ASMTL: variants seen among roughly 807,000 people sequenced by gnomAD.
The protein encoded by ASMTL is acetylserotonin O-methyltransferase like.
ASMTL carries 57 observed loss-of-function variants against 60.3 expected under a neutral mutation model. That is an observed-to-expected ratio of 0.95 (90% CI 0.76 to 1.18). The LOEUF (loss-of-function observed/expected upper bound fraction) is 1.18, where lower values mean the gene tolerates loss of function less well. Among genes scored for constraint, ASMTL ranks in the 50% most tolerant of loss-of-function variants. The pLI is 0.00. For synonymous variants in ASMTL, 419 were observed against 373.0 expected (o/e 1.12, Z -1.42); for missense variants, 981 against 852.6 (o/e 1.15, Z -1.88).
rs767900547 is a variant in ASMTL, at chrX:1,441,346, G to C, written c.225+840C>G. Among the ~76,000 whole-genome samples, 6 of 151,986 alleles carry C rather than the reference G, an allele frequency of 3.9e-5. No individual in the cohort carries two copies. In the East Asian group the frequency reaches 1.2e-3, roughly 29 times the overall value. ...AGTTGGAGTGCAGTGGGATGATCTC[G>C]GCTCACTGCAACTTCCGTCTCCCAG... is the stretch of plus-strand genomic sequence containing the variant. On this transcript the variant is annotated intron_variant, in intron 2 of 12. Coordinates refer to ENST00000381317, the MANE Select transcript of ASMTL (RefSeq NM_004192.4).
At chrX:1,431,967 G>T (rs1487053505) in intron 6 of ASMTL, 3 of 451,214 alleles carry the variant, frequency 6.6e-6, no homozygotes, top group African/African-American at 3.9e-5. Flanking sequence ...GACCTCTGGG[G>T]TCTCCTCCTC....
chrX:1,452,653 C>G, intron 1 of ASMTL, 95 bp downstream of exon 1: 1 of 1,041,962 alleles, frequency 9.6e-7, no homozygotes, highest in South Asian at 1.5e-5. Flanking sequence ...GGGTCACTCT[C>G]CCATCCCTAT....
intron 10 of ASMTL, among the ~76,000 whole-genome samples, chrX:1,418,603 G>A (rs1423881730): frequency 6.6e-6 from 1 of 152,040 alleles, no homozygotes; most frequent in Admixed American, 6.6e-5. Context: ...TGTGAGAATC[G>A]TCCCAGGCCC....
At chrX:1,453,243 G>GGCCAC (rs2149358790), upstream of ASMTL, among the ~76,000 whole-genome samples, 1 of 150,158 alleles carries the variant, frequency 6.7e-6, no homozygotes, top group Admixed American at 6.6e-5. Context: ...CGCTCCGCCA[G>GGCCAC]GCCACGCCCA....
At chrX:1,418,774 G>C (rs1244588368) in intron 10 of ASMTL, among the ~76,000 whole-genome samples, 6 of 152,222 alleles carry the variant, frequency 3.9e-5, no homozygotes, top group African/African-American at 1.4e-4. Flanking sequence ...AGAGGGCCCC[G>C]GAGTTTCTAG....
intron 12 of ASMTL, among the ~76,000 whole-genome samples, chrX:1,404,397 G>A (rs751450629): frequency 6.7e-4 from 101 of 150,132 alleles, no homozygotes; most frequent in African/African-American, 2.3e-3. Flanking sequence ...GGGTAGGTAG[G>A]TGGATGGATG....
At chrX:1,431,553 C>G (rs1284210396) in intron 6 of ASMTL, among the ~76,000 whole-genome samples, 1 of 142,304 alleles carries the variant, frequency 7.0e-6, no homozygotes, top group African/African-American at 2.6e-5. Flanking sequence ...AATATATAAT[C>G]TATATTATAA....
intron 11 of ASMTL, among the ~76,000 whole-genome samples, chrX:1,417,104 C>G (rs1341200730): frequency 6.6e-6 from 1 of 151,788 alleles, no homozygotes; most frequent in Admixed American, 6.6e-5. Flanking sequence ...GACACACAGA[C>G]AAGCACACCC....
Position 1,439,126 on chromosome X carries a change from C to G in ASMTL, c.244G>C (p.Asp82His), listed in dbSNP as rs749599167. The G allele has an allele frequency of 6.2e-6, 10 of 1,613,896 alleles. No homozygotes were observed. Among genetic ancestry groups the G allele is most frequent in the Non-Finnish European group, 8.5e-6 (10 of 1,179,870 alleles). Residue 82 changes from aspartate to histidine, a missense_variant, in exon 3 of 13, where the codon GAC becomes CAC. Asp to His is a moderately conservative substitution (Grantham distance 81, BLOSUM62 -1). Coordinates refer to ENST00000381317, the MANE Select transcript of ASMTL (RefSeq NM_004192.4). ...ATCGTGTCCGCTCCAATGACCACGTCGGGGGCCCGCAGGTCTTTCTGTAAG... is the reference window on the plus strand; with the variant it reads ...ATCGTGTCCGCTCCAATGACCACGTGGGGGGCCCGCAGGTCTTTCTGTAAG... ...RLYQKDLRAP[D>H]VVIGADTIVT... is the part of the protein sequence containing the mutation.
At chrX:1,435,590 G>C (rs868866160) in intron 4 of ASMTL, 104 bp downstream of exon 4, 2 of 1,084,000 alleles carry the variant, frequency 1.8e-6, no homozygotes, top group South Asian at 1.3e-5. Flanking sequence ...TCAGACGGCA[G>C]AGCTGACAGA....
In ASMTL at chrX:1,436,513, C is replaced by T. The variant is rs866521976; in HGVS notation, c.274-755G>A. ...GACTACAGGCGCCCGCCACCACACCCGGCTAATTTTTTGTATTTTTAGTAG... is the reference window on the plus strand; with the variant it reads ...GACTACAGGCGCCCGCCACCACACCTGGCTAATTTTTTGTATTTTTAGTAG... On this transcript the variant is annotated intron_variant, in intron 3 of 12. Transcript: ENST00000381317. Among the ~76,000 whole-genome samples, 15 of 148,526 alleles carry T rather than the reference C, an allele frequency of 1.0e-4. No individual in the cohort carries two copies. In the South Asian group the frequency reaches 2.3e-3, roughly 23 times the overall value.
chrX:1,440,301 A>G (rs1200684308), intron 2 of ASMTL, among the ~76,000 whole-genome samples: 2 of 152,006 alleles, frequency 1.3e-5, no homozygotes, highest in Non-Finnish European at 2.9e-5. Flanking sequence ...CGTGTGAGCC[A>G]GGATGGTCTT....
chrX:1,448,890 C>G (rs5989742), intron 1 of ASMTL, among the ~76,000 whole-genome samples: 4,318 of 152,274 alleles, frequency 0.028, 197 homozygotes, highest in African/African-American at 0.098. Context: ...CCATCTTGGA[C>G]AAGCATTGCC....
chrX:1,411,544 T>C (rs1195327823), intron 12 of ASMTL, among the ~76,000 whole-genome samples: 2 of 151,436 alleles, frequency 1.3e-5, no homozygotes, highest in African/African-American at 2.4e-5. Context: ...AGAAACCTGA[T>C]GTGAAGGCTT....
At chrX:1,445,524 A>C (rs1263772271) in intron 1 of ASMTL, among the ~76,000 whole-genome samples, 1 of 152,086 alleles carries the variant, frequency 6.6e-6, no homozygotes, top group Non-Finnish European at 1.5e-5. Flanking sequence ...AGGGACCTTG[A>C]CAACTTTATC....
chrX:1,444,369 C>T (rs556432193), intron 1 of ASMTL, among the ~76,000 whole-genome samples: 42 of 151,966 alleles, frequency 2.8e-4, no homozygotes, highest in African/African-American at 2.2e-4. Flanking sequence ...CCACCACACC[C>T]GGCTAATTTT....
intron 6 of ASMTL, chrX:1,432,026 C>T (rs2090804439): frequency 1.4e-5 from 8 of 577,232 alleles, no homozygotes; most frequent in East Asian, 1.2e-4. Context: ...CCAGTCCCCA[C>T]CGCAGCCCAG....
At chrX:1,448,878 C>T (rs191212747) in intron 1 of ASMTL, among the ~76,000 whole-genome samples, 113 of 152,232 alleles carry the variant, frequency 7.4e-4, no homozygotes, top group Admixed American at 9.8e-4. Context: ...GGACACACAC[C>T]GCCATCTTGG....
intron 1 of ASMTL, among the ~76,000 whole-genome samples, chrX:1,446,750 C>T (rs188066707): frequency 0.016 from 2,364 of 152,208 alleles, 50 homozygotes; most frequent in African/African-American, 0.054. Context: ...CCGCCAACCT[C>T]GGCCTCCCAA....
Sources: allele counts gnomAD v4.1 joint callset (sites outside exome capture counted in the v4.1 genomes callset), GRCh38; gene constraint gnomAD v4.1.1; transcripts MANE v1.5; gene names NCBI Gene and HGNC (gene_info 2026-07-23, HGNC 2026-07-21).